The following ARHGAP28 variants were observed in gnomAD, a reference collection of about 807,000 sequenced individuals.
The protein encoded by ARHGAP28 is Rho GTPase activating protein 28.
In ARHGAP28, 56 loss-of-function variants were observed where a neutral mutation model predicts 90.7. The ratio of observed to expected loss-of-function variants is 0.62; its 90% CI spans 0.50 to 0.77. The LOEUF (loss-of-function observed/expected upper bound fraction) is 0.77, where lower values mean the gene tolerates loss of function less well. ARHGAP28 is among the 30% of genes least tolerant of loss of function. The pLI, the probability that ARHGAP28 is intolerant of heterozygous loss-of-function variation, is 0.00. For missense variants in ARHGAP28, 869 were observed against 900.9 expected, an observed-to-expected ratio of 0.96 and a Z score of 0.45; for synonymous variants, 308 against 323.3, an observed-to-expected ratio of 0.95 and a Z score of 0.51.
chr18:6,731,446 CT>C (rs1351629947), intron 1 of ARHGAP28, among the ~76,000 whole-genome samples: 7 of 152,158 alleles, frequency 4.6e-5, no homozygotes, highest in Non-Finnish European at 1.0e-4. Context: ...AAACTACATC[CT>C]TTTCCAAAGC....
rs969579624 is a variant in ARHGAP28, at chr18:6,912,921, C to G, written c.*767C>G. 2.8e-4 allele frequency: 42 copies of G among 152,210 alleles called. No homozygotes were observed. Among genetic ancestry groups the G allele is most frequent in the African/African-American group, 1.0e-3 (42 of 41,448 alleles). 9.4% of individuals were successfully genotyped at this position (152,210 alleles called of 1,614,324 possible). On this transcript the variant is annotated 3_prime_UTR_variant, in exon 18 of 18. Transcript: ENST00000383472. ...CCTAACCTGATTTGTAGTTAACATT[C>G]ACAGAGCCTACATTTTCTCATTACG...
chr18:6,896,377 T>C (rs1191431065), intron 15 of ARHGAP28, 125 bp from the exon 16 acceptor site: 9 of 1,114,890 alleles, frequency 8.1e-6, no homozygotes, highest in Admixed American at 4.5e-5. Flanking sequence ...TTCTGGTTAA[T>C]GTTGATCATA....
At chr18:6,842,233 G>C (rs558313557) in intron 3 of ARHGAP28, among the ~76,000 whole-genome samples, 1 of 152,056 alleles carries the variant, frequency 6.6e-6, no homozygotes, top group Non-Finnish European at 1.5e-5. Flanking sequence ...CGTACCTGCT[G>C]TCCCATGCCT....
At chr18:6,880,311 T>A (rs1048793975) in intron 10 of ARHGAP28, among the ~76,000 whole-genome samples, 4 of 152,270 alleles carry the variant, frequency 2.6e-5, no homozygotes, top group African/African-American at 9.6e-5. Context: ...CTTCAATGCC[T>A]CCTCTCCTTT....
intron 11 of ARHGAP28, among the ~76,000 whole-genome samples, chr18:6,886,708 C>T (rs1247178125): frequency 6.6e-6 from 1 of 152,148 alleles, no homozygotes; most frequent in African/African-American, 2.4e-5. Context: ...AAATAACCTG[C>T]CCCAGGTCAC....
At chr18:6,766,490 T>C (rs2056200837) in intron 1 of ARHGAP28, among the ~76,000 whole-genome samples, 1 of 152,140 alleles carries the variant, frequency 6.6e-6, no homozygotes, top group Non-Finnish European at 1.5e-5. Flanking sequence ...AGTCTTCCTG[T>C]AGTGGCTCTG....
At chr18:6,894,115 C>A (rs957384767) in intron 14 of ARHGAP28, among the ~76,000 whole-genome samples, 1 of 152,148 alleles carries the variant, frequency 6.6e-6, no homozygotes, top group Non-Finnish European at 1.5e-5. Context: ...GATCTCCCTA[C>A]CTTGGCCTCC....
At chr18:6,801,728 A>G (rs1265897871) in intron 1 of ARHGAP28, among the ~76,000 whole-genome samples, 1 of 152,192 alleles carries the variant, frequency 6.6e-6, no homozygotes. Context: ...TGAGATATCC[A>G]TAACCTTAAC....
chr18:6,785,325 GTTCA>G (rs1388688742), intron 1 of ARHGAP28, among the ~76,000 whole-genome samples: 1 of 152,126 alleles, frequency 6.6e-6, no homozygotes, highest in East Asian at 1.9e-4. Flanking sequence ...TGATTTAACT[GTTCA>G]TTCATTCAAG....
Position 6,867,749 on chromosome 18 carries a change from GATTA to G in ARHGAP28, c.727-395_727-392del, listed in dbSNP as rs752514720. Among the ~76,000 whole-genome samples, 13 of 152,216 alleles carry G rather than the reference GATTA, an allele frequency of 8.5e-5. 1 individual carries two copies. Among genetic ancestry groups the G allele is most frequent in the Admixed American group, 2.0e-4 (3 of 15,270 alleles). On this transcript the variant is annotated intron_variant, in intron 5 of 17. Transcript: ENST00000383472. ...TATAAGTAAGACAAAAATGCATGAAGATTAATTAACAAATGATATTATAATTATC... is the reference window on the plus strand; with the variant it reads ...TATAAGTAAGACAAAAATGCATGAAGATTAACAAATGATATTATAATTATC...
At chr18:6,760,157 A>G (rs2056147088) in intron 1 of ARHGAP28, among the ~76,000 whole-genome samples, 1 of 152,212 alleles carries the variant, frequency 6.6e-6, no homozygotes, top group Non-Finnish European at 1.5e-5. Context: ...AGTGCAGCGA[A>G]CAGATAGGTT....
At chr18:6,911,439 T>C (rs2057398675) in intron 17 of ARHGAP28, among the ~76,000 whole-genome samples, 1 of 74,566 alleles carries the variant, frequency 1.3e-5, no homozygotes, top group Admixed American at 1.3e-4. Flanking sequence ...ATTTTTCTTT[T>C]CTTTTCTTTT....
At chr18:6,766,092 G>A (rs1300299736) in intron 1 of ARHGAP28, among the ~76,000 whole-genome samples, 5 of 152,148 alleles carry the variant, frequency 3.3e-5, no homozygotes, top group Admixed American at 6.5e-5. Context: ...GATGAAAGTA[G>A]TCTATAAAGA....
intron 16 of ARHGAP28, chr18:6,897,682 G>T (rs2057314148): frequency 6.6e-6 from 1 of 152,158 alleles, no homozygotes; most frequent in Non-Finnish European, 1.5e-5. Flanking sequence ...TTAACATATT[G>T]CATGATTCCA....
intron 11 of ARHGAP28, among the ~76,000 whole-genome samples, chr18:6,883,886 G>A (rs1386771403): frequency 1.3e-5 from 2 of 152,014 alleles, no homozygotes; most frequent in Non-Finnish European, 2.9e-5. Context: ...AGAAAAACTT[G>A]CTGAAAAAGA....
intron 1 of ARHGAP28, among the ~76,000 whole-genome samples, chr18:6,745,102 G>A (rs1374218820): frequency 6.6e-6 from 1 of 152,036 alleles, no homozygotes; most frequent in Non-Finnish European, 1.5e-5. Flanking sequence ...GCATATTGTT[G>A]AATATTTTCC....
In ARHGAP28 at chr18:6,841,157, T is replaced by TTCTCTCTCTCCTC. The variant is rs1174126247; in HGVS notation, c.543+3767_543+3779dup. Among the ~76,000 whole-genome samples, 84 of 70,306 alleles carry TTCTCTCTCTCCTC rather than the reference T, an allele frequency of 1.2e-3. 1 individual carries two copies. The highest frequency in any genetic ancestry group is 2.7e-3 in the African/African-American group (44 of 16,560). 46.1% of individuals were successfully genotyped at this position (70,306 alleles called of 152,430 possible). On this transcript the variant is annotated intron_variant, in intron 3 of 17. Coordinates refer to ENST00000383472, the MANE Select transcript of ARHGAP28 (RefSeq NM_001366230.1). ...TCCTCTCTCACTGTCTCTCTCCTCT[T>TTCTCTCTCTCCTC]TCTCTCTCTCCTCTCTCTCTCTCCT...
At chr18:6,829,273 C>T (rs368974775) in intron 2 of ARHGAP28, among the ~76,000 whole-genome samples, 28 of 152,170 alleles carry the variant, frequency 1.8e-4, no homozygotes, top group East Asian at 1.2e-3. Context: ...TCATATTAAA[C>T]ACCACAAGTT....
chr18:6,791,848 G>A (rs564909834), intron 1 of ARHGAP28, among the ~76,000 whole-genome samples: 2 of 146,192 alleles, frequency 1.4e-5, no homozygotes, highest in African/African-American at 2.5e-5. Flanking sequence ...GGTTTTTTTT[G>A]TTTGTTTGTT....
Sources: allele counts gnomAD v4.1 joint callset (sites outside exome capture counted in the v4.1 genomes callset), GRCh38; gene constraint gnomAD v4.1.1; transcripts MANE v1.5; gene names NCBI Gene and HGNC (gene_info 2026-07-23, HGNC 2026-07-21).